Variants in MTCH2 observed in about 807,000 individuals in gnomAD.
MTCH2 encodes mitochondrial carrier homolog 2.
Under a neutral mutation model 50.6 loss-of-function variants are expected in MTCH2, and 25 were observed. That is an observed-to-expected ratio of 0.49 (90% CI 0.36 to 0.69). The LOEUF (loss-of-function observed/expected upper bound fraction) is 0.69, where lower values mean the gene tolerates loss of function less well. Among genes scored for constraint, MTCH2 ranks in the 30% least tolerant of loss-of-function variants. The pLI is 0.00. For synonymous variants in MTCH2, 106 were observed against 132.0 expected (o/e 0.80, Z 1.35); for missense variants, 273 against 384.4 (o/e 0.71, Z 2.42).
At chr11:47,613,284 G>A (rs1228307105), downstream of MTCH2, among the ~76,000 whole-genome samples, 1 of 152,088 alleles carries the variant, frequency 6.6e-6, no homozygotes, top group Non-Finnish European at 1.5e-5. Flanking sequence ...ACTGCACCCA[G>A]CACTTGTGAC....
chr11:47,641,017 C>T (rs2097313698), intron 1 of MTCH2, among the ~76,000 whole-genome samples: 1 of 152,138 alleles, frequency 6.6e-6, no homozygotes, highest in Non-Finnish European at 1.5e-5. Flanking sequence ...CTGCCTCAGC[C>T]TCCCGACTAG....
intron 8 of MTCH2, among the ~76,000 whole-genome samples, chr11:47,629,811 G>A (rs554022569): frequency 6.7e-6 from 1 of 149,936 alleles, no homozygotes; most frequent in African/African-American, 2.4e-5. Context: ...CCTCATAGAA[G>A]AATGAGGGTA....
the MTCH2 span, among the ~76,000 whole-genome samples, chr11:47,608,081 T>C: frequency 6.6e-6 from 1 of 152,198 alleles, no homozygotes; most frequent in East Asian, 1.9e-4. Context: ...ACCACCAGTC[T>C]TGGGCAAATC....
intron 1 of MTCH2, among the ~76,000 whole-genome samples, chr11:47,640,646 C>T (rs2097313242): frequency 1.3e-5 from 2 of 152,144 alleles, no homozygotes; most frequent in Middle Eastern, 3.4e-3. Context: ...TAACTCCTGA[C>T]CTCAGGTGAA....
chr11:47,634,629 G>T, intron 5 of MTCH2, 43 bp downstream of exon 5: 1 of 1,490,610 alleles, frequency 6.7e-7, no homozygotes, highest in Non-Finnish European at 9.3e-7. Context: ...CAACACCACA[G>T]TTTGATCTGG....
chr11:47,610,910 A>G, the MTCH2 span, among the ~76,000 whole-genome samples: 1 of 151,970 alleles, frequency 6.6e-6, no homozygotes, highest in African/African-American at 2.4e-5. Context: ...GATCTCCCCA[A>G]ATGGATGTAA....
chr11:47,607,967 G>A, the MTCH2 span, among the ~76,000 whole-genome samples: 1 of 152,164 alleles, frequency 6.6e-6, no homozygotes, highest in Non-Finnish European at 1.5e-5. Context: ...TAAAATCTGT[G>A]CTCCGATCAT....
rs1013361467 is a variant in MTCH2, at chr11:47,618,701, C to T, written c.*132G>A. ...GAAAAAAGAACAAAAAAGGCAGACACCAAACACCTGAATTTTCCCAAGATT... is the reference window on the plus strand; with the variant it reads ...GAAAAAAGAACAAAAAAGGCAGACATCAAACACCTGAATTTTCCCAAGATT... On this transcript the variant is annotated 3_prime_UTR_variant, in exon 13 of 13. Coordinates refer to ENST00000302503, the MANE Select transcript of MTCH2 (RefSeq NM_014342.4). The T allele has an allele frequency of 3.2e-6, 2 of 618,816 alleles. No homozygotes were observed. The highest frequency in any genetic ancestry group is 4.2e-5 in the African/African-American group (1 of 23,536). 38.3% of individuals were successfully genotyped at this position (618,816 alleles called of 1,614,324 possible).
the MTCH2 span, among the ~76,000 whole-genome samples, chr11:47,608,601 G>A: frequency 6.6e-6 from 1 of 152,182 alleles, no homozygotes; most frequent in Admixed American, 6.6e-5. Flanking sequence ...AATGTACAGA[G>A]CAGAGGCTGT....
chr11:47,639,803 A>C (rs113754555), intron 1 of MTCH2, among the ~76,000 whole-genome samples: 1 of 152,046 alleles, frequency 6.6e-6, no homozygotes, highest in Admixed American at 6.6e-5. Flanking sequence ...GTGTCACTGC[A>C]CTCCAGCCGA....
chr11:47,625,620 G>T (rs1478156729), intron 11 of MTCH2, 54 bp downstream of exon 11: 5 of 1,074,460 alleles, frequency 4.7e-6, no homozygotes, highest in South Asian at 4.7e-5. Flanking sequence ...AGGCTGCTCC[G>T]CCTGTCAGCA....
chr11:47,627,092 T>C lies in MTCH2; in HGVS notation c.669A>G (p.Gln223=). 6.2e-7 allele frequency: 1 copy of C among 1,600,478 alleles called. No individual in the cohort carries two copies. The highest frequency in any genetic ancestry group is 8.5e-7 in the Non-Finnish European group (1 of 1,171,670). Residue 223 remains glutamine (Q), a synonymous_variant, in exon 10 of 13, where the codon CAA becomes CAG. Transcript: ENST00000302503. ...TTAAAAAACTCACTCCTGTGACAGCTTGAGAATAACTCTTCATTTCATTCA... is the reference window on the plus strand; with the variant it reads ...TTAAAAAACTCACTCCTGTGACAGCCTGAGAATAACTCTTCATTTCATTCA... The part of the protein sequence containing the change: ...STMNEMKSYS[Q]AVTGFFASML...
intron 4 of MTCH2, 35 bp from the exon 5 acceptor site, chr11:47,634,769 AT>A (rs139407275): frequency 0.11 from 78,330 of 729,992 alleles, 12 homozygotes; most frequent in East Asian, 0.12. Context: ...AGAGATCTTG[AT>A]TTTTTTTTTT....
Position 47,617,415 on chromosome 11 carries a change from T to G in MTCH2, c.*1418A>C, listed in dbSNP as rs1273374049. The G allele has an allele frequency of 6.6e-6, 1 of 152,202 alleles. No individual in the cohort carries two copies. The highest frequency in any genetic ancestry group is 2.4e-5 in the African/African-American group (1 of 41,448). 9.4% of individuals were successfully genotyped at this position (152,202 alleles called of 1,614,324 possible). ...ACAAATGCAGATAGTAATATTGAAA[T>G]AGTATATAAAATTGACATTACTTTT... On this transcript the variant is annotated 3_prime_UTR_variant, in exon 13 of 13. Transcript: ENST00000302503.
At chr11:47,619,514 T>C (rs1598831603) in intron 12 of MTCH2, among the ~76,000 whole-genome samples, 1 of 151,610 alleles carries the variant, frequency 6.6e-6, no homozygotes, top group Admixed American at 6.6e-5. Context: ...GGATTACGGG[T>C]GTGATCCACC....
At chr11:47,620,275 A>C (rs1222215994) in intron 12 of MTCH2, among the ~76,000 whole-genome samples, 1 of 152,022 alleles carries the variant, frequency 6.6e-6, no homozygotes, top group African/African-American at 2.4e-5. Context: ...TTAAAAGTAT[A>C]ATAATAATAA....
At chr11:47,632,400 C>T (rs1442438698) in intron 5 of MTCH2, among the ~76,000 whole-genome samples, 3 of 151,104 alleles carry the variant, frequency 2.0e-5, no homozygotes, top group African/African-American at 7.3e-5. Flanking sequence ...GTCACCCACG[C>T]TGGAGTGCAG....
At chr11:47,621,904 C>CT (rs1565962870) in intron 12 of MTCH2, among the ~76,000 whole-genome samples, 1 of 152,112 alleles carries the variant, frequency 6.6e-6, no homozygotes, top group African/African-American at 2.4e-5. Context: ...GGGTCTCACT[C>CT]TGTCACCCAG....
At chr11:47,620,531 G>A (rs959866775) in intron 12 of MTCH2, among the ~76,000 whole-genome samples, 2 of 152,190 alleles carry the variant, frequency 1.3e-5, no homozygotes, top group Middle Eastern at 6.8e-3. Flanking sequence ...AAGCATGCCT[G>A]TAGTCCTAGC....
Sources: gnomAD v4.1 joint callset for allele counts (sites outside exome capture counted in the v4.1 genomes callset) on GRCh38, gnomAD v4.1.1 for gene constraint, MANE v1.5 for transcripts, NCBI Gene and HGNC (gene_info 2026-07-23, HGNC 2026-07-21) for gene names.